Variants in UNC5D observed in about 807,000 individuals in gnomAD.
UNC5D encodes netrin receptor UNC5D.
UNC5D carries 39 observed loss-of-function variants against 105.4 expected under a neutral mutation model. The ratio of observed to expected loss-of-function variants is 0.37; its 90% CI spans 0.29 to 0.48. The LOEUF (loss-of-function observed/expected upper bound fraction) is 0.48, where lower values mean the gene tolerates loss of function less well. Among genes scored for constraint, UNC5D ranks in the 20% least tolerant of loss-of-function variants. The pLI, the probability that UNC5D is intolerant of heterozygous loss-of-function variation, is 0.98. For synonymous variants in UNC5D, 452 were observed against 450.4 expected (o/e 1.00, Z -0.04); for missense variants, 991 against 1,202.4 (o/e 0.82, Z 2.60).
chr8:35,745,651 C>A (rs1829965213), intron 11 of UNC5D, among the ~76,000 whole-genome samples: 1 of 152,130 alleles, frequency 6.6e-6, no homozygotes, highest in African/African-American at 2.4e-5. Flanking sequence ...CTATACACAG[C>A]ATTTAAACTA....
At chr8:35,729,873 A>G (rs1829093350) in intron 10 of UNC5D, among the ~76,000 whole-genome samples, 2 of 152,258 alleles carry the variant, frequency 1.3e-5, no homozygotes, top group Admixed American at 1.3e-4. Flanking sequence ...ACTGATAACT[A>G]GCATATTACT....
intron 1 of UNC5D, among the ~76,000 whole-genome samples, chr8:35,451,935 T>C (rs541561722): frequency 2.2e-4 from 33 of 152,180 alleles, no homozygotes; most frequent in Non-Finnish European, 4.7e-4. Flanking sequence ...CTGAAGCCCC[T>C]AACACTTCCT....
At chr8:35,461,416 T>C (rs1298967802) in intron 1 of UNC5D, among the ~76,000 whole-genome samples, 1 of 152,008 alleles carries the variant, frequency 6.6e-6, no homozygotes, top group African/African-American at 2.4e-5. Flanking sequence ...TTGGAAAGGG[T>C]CCATGATCAG....
chr8:35,590,464 A>T (rs1819095874), intron 3 of UNC5D, among the ~76,000 whole-genome samples: 1 of 152,162 alleles, frequency 6.6e-6, no homozygotes, highest in Non-Finnish European at 1.5e-5. Context: ...AAGGGCAACT[A>T]GTCATCTTAA....
intron 1 of UNC5D, among the ~76,000 whole-genome samples, chr8:35,369,640 T>G: frequency 6.6e-6 from 1 of 152,202 alleles, no homozygotes; most frequent in Non-Finnish European, 1.5e-5. Flanking sequence ...TGTGGAGCTC[T>G]TTTTTCTCTT....
chr8:35,415,010 G>T (rs191849350), intron 1 of UNC5D, among the ~76,000 whole-genome samples: 2 of 151,992 alleles, frequency 1.3e-5, no homozygotes, highest in African/African-American at 2.4e-5. Context: ...GAACCTTAAG[G>T]TACCTGTGGG....
chr8:35,353,242 A>G (rs908521284), intron 1 of UNC5D, among the ~76,000 whole-genome samples: 7 of 152,220 alleles, frequency 4.6e-5, no homozygotes, highest in African/African-American at 1.4e-4. Context: ...CAGAAATAGC[A>G]TAAGAATATG....
intron 1 of UNC5D, among the ~76,000 whole-genome samples, chr8:35,246,694 T>C (rs1282762675): frequency 2.0e-5 from 3 of 152,176 alleles, no homozygotes; most frequent in African/African-American, 7.2e-5. Context: ...TCACAAGATA[T>C]GGCACTCGGC....
intron 3 of UNC5D, among the ~76,000 whole-genome samples, chr8:35,576,860 G>A (rs765732500): frequency 3.6e-4 from 55 of 152,100 alleles, no homozygotes; most frequent in African/African-American, 1.0e-3. Context: ...TGATCCTCCC[G>A]CCTCGGCCTC....
At chr8:35,511,494 AAG>A (rs1812696111) in intron 1 of UNC5D, among the ~76,000 whole-genome samples, 1 of 149,572 alleles carries the variant, frequency 6.7e-6, no homozygotes, top group East Asian at 2.0e-4. Context: ...AAAAAAAAAA[AAG>A]GTCTTAATTT....
chr8:35,334,201 G>A (rs1341586601), intron 1 of UNC5D, among the ~76,000 whole-genome samples: 2 of 152,140 alleles, frequency 1.3e-5, no homozygotes, highest in Non-Finnish European at 2.9e-5. Flanking sequence ...TAACTGCAGT[G>A]ATCAGAGACA....
At chr8:35,245,609 A>C (rs1384281805) in intron 1 of UNC5D, among the ~76,000 whole-genome samples, 1 of 152,152 alleles carries the variant, frequency 6.6e-6, no homozygotes, top group Non-Finnish European at 1.5e-5. Context: ...TTTATTTTTC[A>C]ACTTAGAGCA....
intron 1 of UNC5D, among the ~76,000 whole-genome samples, chr8:35,253,084 G>A (rs1803821265): frequency 6.6e-6 from 1 of 151,820 alleles, no homozygotes; most frequent in Non-Finnish European, 1.5e-5. Context: ...TAGGAGTTTT[G>A]AGAGAGTGAG....
At chr8:35,757,521 C>T (rs1830568220) in intron 13 of UNC5D, among the ~76,000 whole-genome samples, 1 of 152,140 alleles carries the variant, frequency 6.6e-6, no homozygotes, top group Admixed American at 6.5e-5. Context: ...GGTCTGTCCT[C>T]CCATCTGGGT....
At chr8:35,289,273 A>G (rs1018078471) in intron 1 of UNC5D, among the ~76,000 whole-genome samples, 4 of 152,230 alleles carry the variant, frequency 2.6e-5, no homozygotes, top group African/African-American at 9.6e-5. Context: ...AGTTTGTTAC[A>G]TAATGACAAA....
intron 1 of UNC5D, among the ~76,000 whole-genome samples, chr8:35,425,583 C>T (rs532295327): frequency 6.6e-6 from 1 of 152,286 alleles, no homozygotes; most frequent in South Asian, 2.1e-4. Flanking sequence ...CAAAGCTGTA[C>T]TTTAGAAGGT....
intron 4 of UNC5D, among the ~76,000 whole-genome samples, chr8:35,634,291 G>C (rs189026389): frequency 6.6e-6 from 1 of 152,154 alleles, no homozygotes; most frequent in Non-Finnish European, 1.5e-5. Context: ...CACGGCACAC[G>C]CATTTTCCCT....
intron 1 of UNC5D, among the ~76,000 whole-genome samples, chr8:35,495,365 CT>C (rs529864207): frequency 4.2e-4 from 61 of 145,378 alleles, no homozygotes; most frequent in Admixed American, 1.3e-3. Context: ...GGTGTCCAAT[CT>C]TTTAGCTTCC....
intron 1 of UNC5D, among the ~76,000 whole-genome samples, chr8:35,276,709 C>T (rs1805799984): frequency 1.3e-5 from 2 of 152,168 alleles, no homozygotes; most frequent in African/African-American, 4.8e-5. Flanking sequence ...CCAGGTCTCA[C>T]TAGCCTCCAT....
Sources: allele counts gnomAD v4.1 joint callset (sites outside exome capture counted in the v4.1 genomes callset), GRCh38; gene constraint gnomAD v4.1.1; transcripts MANE v1.5; gene names NCBI Gene and HGNC (gene_info 2026-07-23, HGNC 2026-07-21).